Variants in GRM8 observed in about 807,000 individuals in gnomAD.
GRM8 encodes metabotropic glutamate receptor 8.
In GRM8, 47 loss-of-function variants were observed where a neutral mutation model predicts 87.2. That is an observed-to-expected ratio of 0.54 (90% CI 0.43 to 0.69). GRM8 has a LOEUF of 0.69. Among genes scored for constraint, GRM8 ranks in the 30% least tolerant of loss-of-function variants. The pLI is 0.00. For missense variants in GRM8, 1,019 were observed against 1,139.2 expected (o/e 0.89, Z 1.52); for synonymous variants, 396 against 404.5 (o/e 0.98, Z 0.25).
intron 6 of GRM8, among the ~76,000 whole-genome samples, chr7:126,843,418 T>C (rs901586650): frequency 6.6e-6 from 1 of 152,224 alleles, no homozygotes; most frequent in African/African-American, 2.4e-5. Flanking sequence ...AGAAATCCAA[T>C]TGAGATCCAA....
At chr7:126,834,962 G>T (rs1240945318) in intron 6 of GRM8, among the ~76,000 whole-genome samples, 1 of 151,724 alleles carries the variant, frequency 6.6e-6, no homozygotes, top group Non-Finnish European at 1.5e-5. Flanking sequence ...TGTATTCCCA[G>T]CTATTTGGGA....
At chr7:126,891,722 A>C (rs1049925284) in intron 6 of GRM8, among the ~76,000 whole-genome samples, 2 of 152,060 alleles carry the variant, frequency 1.3e-5, no homozygotes, top group African/African-American at 4.8e-5. Flanking sequence ...TCCCTGCTAT[A>C]TGCTGGCTAT....
chr7:126,959,673 C>T (rs965877353), intron 3 of GRM8, among the ~76,000 whole-genome samples: 106 of 152,308 alleles, frequency 7.0e-4, no homozygotes, highest in African/African-American at 2.3e-3. Context: ...TATTTGCACA[C>T]ATTTATTTTT....
chr7:126,723,611 A>T (rs536127574), intron 7 of GRM8, among the ~76,000 whole-genome samples: 7 of 152,162 alleles, frequency 4.6e-5, no homozygotes, highest in Non-Finnish European at 1.0e-4. Context: ...AAAGATATCA[A>T]GGGAATCAGT....
At chr7:127,147,362 A>G (rs937546349) in intron 2 of GRM8, among the ~76,000 whole-genome samples, 3 of 152,040 alleles carry the variant, frequency 2.0e-5, no homozygotes, top group African/African-American at 7.2e-5. Context: ...ACTGATAGAG[A>G]GTGGGAAGCT....
intron 2 of GRM8, among the ~76,000 whole-genome samples, chr7:127,196,509 T>C (rs1322450997): frequency 6.7e-6 from 1 of 149,642 alleles, no homozygotes; most frequent in Non-Finnish European, 1.5e-5. Flanking sequence ...AGAGCAAGAC[T>C]CCATCTCAAA....
chr7:126,630,070 G>T (rs1347142360), intron 7 of GRM8, among the ~76,000 whole-genome samples: 1 of 151,684 alleles, frequency 6.6e-6, no homozygotes, highest in East Asian at 1.9e-4. Flanking sequence ...TGACCATTAT[G>T]TGATAAAACA....
At chr7:127,064,774 T>A (rs1217470971) in intron 3 of GRM8, among the ~76,000 whole-genome samples, 3 of 152,118 alleles carry the variant, frequency 2.0e-5, no homozygotes, top group Non-Finnish European at 4.4e-5. Context: ...AAAAGCTCAA[T>A]ATCACCGATC....
intron 2 of GRM8, among the ~76,000 whole-genome samples, chr7:127,119,852 C>T (rs1263927367): frequency 2.0e-5 from 3 of 152,158 alleles, no homozygotes; most frequent in Non-Finnish European, 4.4e-5. Context: ...GGCTATTCTT[C>T]CCTTGTTTCA....
At chr7:126,459,205 C>A (rs1446827118) in intron 9 of GRM8, among the ~76,000 whole-genome samples, 1 of 151,290 alleles carries the variant, frequency 6.6e-6, no homozygotes, top group Non-Finnish European at 1.5e-5. Flanking sequence ...TTTTGCATAA[C>A]TTTACACCAA....
At chr7:126,484,838 T>C (rs1777907846) in intron 9 of GRM8, among the ~76,000 whole-genome samples, 3 of 151,668 alleles carry the variant, frequency 2.0e-5, no homozygotes, top group Admixed American at 2.0e-4. Flanking sequence ...TTTGGAAAGC[T>C]GGGTAAGGCT....
intron 8 of GRM8, among the ~76,000 whole-genome samples, chr7:126,580,407 G>A (rs1795500290): frequency 6.6e-6 from 1 of 151,962 alleles, no homozygotes. Flanking sequence ...GTCCAGAATA[G>A]TCTAGATCCA....
At chr7:127,190,870 G>A (rs1038759173) in intron 2 of GRM8, among the ~76,000 whole-genome samples, 1 of 152,072 alleles carries the variant, frequency 6.6e-6, no homozygotes, top group African/African-American at 2.4e-5. Flanking sequence ...AAATCATGCT[G>A]TGAATGAATT....
chr7:126,611,453 GA>G (rs771592301), intron 7 of GRM8, among the ~76,000 whole-genome samples: 3 of 152,196 alleles, frequency 2.0e-5, no homozygotes, highest in Non-Finnish European at 2.9e-5. Flanking sequence ...AAAGGATGTT[GA>G]AAGTTCTCTA....
chr7:126,932,641 C>A (rs1168759689), intron 3 of GRM8, among the ~76,000 whole-genome samples: 1 of 152,062 alleles, frequency 6.6e-6, no homozygotes, highest in Non-Finnish European at 1.5e-5. Flanking sequence ...TACAAATATG[C>A]CTAGAGACTA....
chr7:126,843,161 T>G (rs1176861558), intron 6 of GRM8, among the ~76,000 whole-genome samples: 1 of 152,214 alleles, frequency 6.6e-6, no homozygotes, highest in Non-Finnish European at 1.5e-5. Flanking sequence ...ATGACAAATA[T>G]GCTCTATGAA....
intron 6 of GRM8, among the ~76,000 whole-genome samples, chr7:126,827,496 C>A (rs1475809519): frequency 2.0e-5 from 3 of 152,118 alleles, no homozygotes; most frequent in Non-Finnish European, 2.9e-5. Flanking sequence ...GGAGTTCACT[C>A]ATGATTTGGC....
chr7:127,018,564 C>T, intron 3 of GRM8, among the ~76,000 whole-genome samples: 1 of 151,972 alleles, frequency 6.6e-6, no homozygotes. Context: ...TACCTACTAA[C>T]AGAACCCCAC....
chr7:126,566,828 C>T (rs998421433), intron 8 of GRM8, among the ~76,000 whole-genome samples: 1 of 152,016 alleles, frequency 6.6e-6, no homozygotes, highest in African/African-American at 2.4e-5. Context: ...GCATAAATAC[C>T]ATGAAATATT....
Sources: allele counts gnomAD v4.1 joint callset (sites outside exome capture counted in the v4.1 genomes callset), GRCh38; gene constraint gnomAD v4.1.1; transcripts MANE v1.5; gene names NCBI Gene and HGNC (gene_info 2026-07-23, HGNC 2026-07-21).